The following KCNC3 variants were observed in gnomAD, a reference collection of about 807,000 sequenced individuals.
KCNC3 encodes voltage-gated potassium channel KCNC3.
A neutral mutation model predicts 43.9 loss-of-function variants in KCNC3; 22 were observed. That is an observed-to-expected ratio of 0.50 (90% CI 0.36 to 0.72). The LOEUF (loss-of-function observed/expected upper bound fraction) is 0.72, where lower values mean the gene tolerates loss of function less well. Among genes scored for constraint, KCNC3 ranks in the 30% least tolerant of loss-of-function variants. KCNC3 has a pLI of 0.00. For missense variants in KCNC3, 829 were observed against 1,073.8 expected (o/e 0.77, Z 3.19); for synonymous variants, 492 against 488.0 (o/e 1.01, Z -0.11).
chr19:50,331,233 G>A (rs2037184875), upstream of KCNC3, among the ~76,000 whole-genome samples: 3 of 133,288 alleles, frequency 2.3e-5, no homozygotes, highest in South Asian at 7.1e-4. Context: ...TTCTCTCTAG[G>A]CCTCAGTCTC....
chr19:50,326,738 G>GGA (rs140658291), intron 1 of KCNC3, among the ~76,000 whole-genome samples: 4,436 of 152,302 alleles, frequency 0.029, 256 homozygotes, highest in African/African-American at 0.1. Flanking sequence ...AAATGGTTCA[G>GGA]GAGAGAACCC....
In KCNC3 at chr19:50,328,831, A is replaced by G. The variant is rs757768926; in HGVS notation, c.252T>C (p.Gly84=). 1.4e-5 allele frequency: 21 copies of G among 1,490,198 alleles called. No homozygotes were observed. In the East Asian group the frequency reaches 2.5e-4, roughly 18 times the overall value. 92.3% of individuals were successfully genotyped at this position (1,490,198 alleles called of 1,614,324 possible). The change falls in exon 1 of 5, where the codon GGT becomes GGC. Residue 84 remains glycine, a synonymous_variant. Transcript: ENST00000477616. ...TGATCACGATCTTGCCGCTGTCGCC[A>G]CCGCCGCCGCCGTGCCGCCCCATGG... ...AAAMGRHGGG[G]GDSGKIVINV...
upstream of KCNC3, among the ~76,000 whole-genome samples, chr19:50,333,234 T>TGGGGG (rs1221487471): frequency 4.6e-5 from 7 of 151,824 alleles, no homozygotes; most frequent in African/African-American, 1.7e-4. Context: ...GGGCTCGAGA[T>TGGGGG]GGGGGGAGGG....
chr19:50,314,760 T>C lies in KCNC3; in HGVS notation c.*1355A>G. The stretch of plus-strand genomic sequence containing the variant: ...ATATTATTAATGACTTTTTGATTTT[T>C]TTTAAAAAAACCCTTTTCCCCACCC... On this transcript the variant is annotated 3_prime_UTR_variant, in exon 5 of 5. Transcript: ENST00000477616. 1 of 437,088 alleles carries C rather than the reference T, an allele frequency of 2.3e-6. No homozygotes were observed. The highest frequency in any genetic ancestry group is 4.6e-6 in the Non-Finnish European group (1 of 219,228). The allele number at this position is 437,088 out of a possible 1,614,324, so 27.1% of individuals were successfully genotyped here.
At chr19:50,321,031 G>A (rs1254277528) in intron 2 of KCNC3, among the ~76,000 whole-genome samples, 3 of 133,370 alleles carry the variant, frequency 2.2e-5, no homozygotes, top group Non-Finnish European at 4.6e-5. Context: ...GCTGGGAAGG[G>A]CGACTGCAGT....
Position 50,328,702 on chromosome 19 carries a change from G to A in KCNC3, c.381C>T (p.Asp127=). The part of the protein sequence containing the change: ...LTEPEAAARF[D]YDPGADEFFF... ...AGAACTCGTCGGCGCCCGGGTCGTA[G>A]TCGAAGCGTGCCGCCGCCTCGGGCT... Residue 127 remains aspartate, a synonymous_variant, in exon 1 of 5, where the codon GAC becomes GAT. Transcript: ENST00000477616. 1 of 1,601,970 alleles carries A rather than the reference G, an allele frequency of 6.2e-7. No homozygotes were observed. The highest frequency in any genetic ancestry group is 1.7e-5 in the Admixed American group (1 of 58,670).
chr19:50,331,061 C>T (rs1024794645), upstream of KCNC3, among the ~76,000 whole-genome samples: 1 of 152,066 alleles, frequency 6.6e-6, no homozygotes, highest in Non-Finnish European at 1.5e-5. Flanking sequence ...CCATCCCACC[C>T]CCGCTCCCGT....
chr19:50,318,835 G>A (rs940180060), intron 4 of KCNC3, among the ~76,000 whole-genome samples: 7 of 151,866 alleles, frequency 4.6e-5, no homozygotes, highest in African/African-American at 1.7e-4. Flanking sequence ...TTAGCACTTC[G>A]GGAGGCCAAG....
chr19:50,320,922 G>A (rs964552252), intron 2 of KCNC3, 138 bp from the exon 3 acceptor site: 4 of 823,664 alleles, frequency 4.9e-6, no homozygotes. Context: ...AGATTCAAGG[G>A]CAGGGTGATG....
intron 1 of KCNC3, among the ~76,000 whole-genome samples, chr19:50,325,387 A>G (rs2037089568): frequency 6.6e-6 from 1 of 152,120 alleles, no homozygotes; most frequent in Non-Finnish European, 1.5e-5. Context: ...TGGACCACAG[A>G]GAGGACCTTG....
Position 50,323,162 on chromosome 19 carries a change from C to A in KCNC3, c.1791G>T (p.Pro597=). Residue 597 remains proline, a synonymous_variant, in exon 2 of 5, where the codon CCG becomes CCT. Transcript: ENST00000477616. The part of the protein sequence containing the change: ...PHHGSGGISP[P]PPITPPSMGV... ...CCATGGAGGGTGGGGTGATGGGTGG[C>A]GGCGGGCTGATGCCCCCGCTGCCGT... 2.0e-6 allele frequency: 3 copies of A among 1,526,902 alleles called. No homozygotes were observed. Among genetic ancestry groups the A allele is most frequent in the South Asian group, 1.2e-5 (1 of 83,498 alleles). 94.6% of individuals were successfully genotyped at this position (1,526,902 alleles called of 1,614,324 possible). A position where few individuals can be genotyped will look rare whatever the true frequency, so the allele number is the denominator to read the frequency against.
rs2036943734 is a variant in KCNC3 at position 50,315,789 on chromosome 19, G to T, written c.*326C>A. Reference sequence around the variant, plus strand: ...CTGAGCTTCTGACGGGTGCGGGAAGGCTCTCACAGGCATCTCACAGCTAAT... The same window carrying T: ...CTGAGCTTCTGACGGGTGCGGGAAGTCTCTCACAGGCATCTCACAGCTAAT... On this transcript the variant is annotated 3_prime_UTR_variant, in exon 5 of 5. Transcript: ENST00000477616. The T allele has an allele frequency of 5.1e-6, 1 of 194,968 alleles. No homozygotes were observed. Among genetic ancestry groups the T allele is most frequent in the African/African-American group, 2.3e-5 (1 of 42,664 alleles). 12.1% of individuals were successfully genotyped at this position (194,968 alleles called of 1,614,324 possible).
At position 50,315,930 on chromosome 19, in the gene KCNC3, G is replaced by C; in HGVS notation, c.*185C>G. 2.9e-6 allele frequency: 1 copy of C among 350,342 alleles called. No individual in the cohort carries two copies. Among genetic ancestry groups the C allele is most frequent in the Non-Finnish European group, 5.4e-6 (1 of 183,986 alleles). 21.7% of individuals were successfully genotyped at this position (350,342 alleles called of 1,614,324 possible). On this transcript the variant is annotated 3_prime_UTR_variant, in exon 5 of 5. Transcript: ENST00000477616. Reference sequence around the variant, plus strand: ...TTTTCCAGGCAACGCTAAGGGAGCTGTCTGGACAAAAGGTGTCTTGATCGT... The same window carrying C: ...TTTTCCAGGCAACGCTAAGGGAGCTCTCTGGACAAAAGGTGTCTTGATCGT...
chr19:50,330,759 G>C (rs576092000), upstream of KCNC3, among the ~76,000 whole-genome samples: 152 of 152,260 alleles, frequency 1.0e-3, no homozygotes, highest in African/African-American at 3.5e-3. Context: ...AGGAGTCTCA[G>C]AGGTCGGGTT....
chr19:50,333,530 A>G (rs539620734), upstream of KCNC3: 1 of 206,472 alleles, frequency 4.8e-6, no homozygotes, highest in African/African-American at 2.3e-5. Flanking sequence ...CCTCCCACGC[A>G]TGTTGTGGCT....
intron 4 of KCNC3, among the ~76,000 whole-genome samples, chr19:50,317,200 A>C (rs10853812): frequency 0.19 from 28,653 of 150,634 alleles, 3,546 homozygotes; most frequent in East Asian, 0.59. Context: ...GGAAATGGAC[A>C]ATGACGGGGA....
intron 2 of KCNC3, 141 bp from the exon 3 acceptor site, chr19:50,320,925 G>A (rs1433604981): frequency 3.6e-6 from 3 of 822,136 alleles, no homozygotes; most frequent in Non-Finnish European, 3.9e-6. Context: ...TTCAAGGGCA[G>A]GGTGATGGGA....
At chr19:50,322,110 G>GGCCCA (rs2037041419) in intron 2 of KCNC3, among the ~76,000 whole-genome samples, 1 of 151,970 alleles carries the variant, frequency 6.6e-6, no homozygotes, top group African/African-American at 2.4e-5. Context: ...GGGGCCAAGT[G>GGCCCA]GCCCAGCTCC....
chr19:50,322,953 G>A lies in KCNC3; in HGVS notation c.1978+22C>T, dbSNP rs73062515. ...TCCCCGGGTCTCCACCTGTGCCCCC[G>A]ATCCCTGACGCCCAGGCTCACCTGC... On this transcript the variant is annotated intron_variant, in intron 2 of 4. Transcript: ENST00000477616. The A allele has an allele frequency of 2.8e-5, 44 of 1,549,806 alleles. No homozygotes were observed. The Admixed American group carries it at 3.1e-4, about 11-fold the overall frequency.
Sources: allele counts gnomAD v4.1 joint callset (sites outside exome capture counted in the v4.1 genomes callset), GRCh38; gene constraint gnomAD v4.1.1; transcripts MANE v1.5; gene names NCBI Gene and HGNC (gene_info 2026-07-23, HGNC 2026-07-21).